FSTL5: variants seen among roughly 807,000 people sequenced by gnomAD.
FSTL5 encodes the protein follistatin-related protein 5.
A neutral mutation model predicts 89.1 loss-of-function variants in FSTL5; 62 were observed. That is an observed-to-expected ratio of 0.70 (90% CI 0.57 to 0.86). The LOEUF (loss-of-function observed/expected upper bound fraction) is 0.86. Ranked by LOEUF, FSTL5 falls within the 40% of genes least tolerant of loss-of-function variation. The pLI is 0.00. For missense variants in FSTL5, 1,057 were observed against 1,001.6 expected (o/e 1.06, Z -0.75); for synonymous variants, 383 against 346.2 (o/e 1.11, Z -1.18).
In FSTL5 at chr4:161,493,475, A is replaced by G. The variant is rs1729955157; in HGVS notation, c.1458+6541T>C. ...TTATTTTATTTTATATTTGCCGTGAATATATATTACCTTGAAAAGATAGGT... is the reference window on the plus strand; with the variant it reads ...TTATTTTATTTTATATTTGCCGTGAGTATATATTACCTTGAAAAGATAGGT... On this transcript the variant is annotated intron_variant, in intron 12 of 15. Transcript: ENST00000306100. Among the ~76,000 whole-genome samples, 5 of 151,982 alleles carry G rather than the reference A, an allele frequency of 3.3e-5. No individual in the cohort carries two copies. The South Asian group carries it at 1.0e-3, about 32-fold the overall frequency.
At chr4:162,119,187 A>T (rs1292549449) in intron 1 of FSTL5, among the ~76,000 whole-genome samples, 4 of 151,636 alleles carry the variant, frequency 2.6e-5, no homozygotes, top group African/African-American at 9.7e-5. Flanking sequence ...TGATCATACC[A>T]TTGCACTGCA....
At chr4:161,851,035 A>C (rs1258268395) in intron 4 of FSTL5, among the ~76,000 whole-genome samples, 1 of 152,228 alleles carries the variant, frequency 6.6e-6, no homozygotes, top group Non-Finnish European at 1.5e-5. Context: ...TAAGCAAATA[A>C]GGTCAGAAAC....
At chr4:161,754,684 T>C (rs1025335277) in intron 6 of FSTL5, among the ~76,000 whole-genome samples, 35 of 152,266 alleles carry the variant, frequency 2.3e-4, no homozygotes, top group Admixed American at 1.1e-3. Flanking sequence ...AATAAGCATA[T>C]AACATCACTT....
At chr4:161,516,524 TA>T (rs914050133) in intron 10 of FSTL5, among the ~76,000 whole-genome samples, 5 of 147,234 alleles carry the variant, frequency 3.4e-5, no homozygotes, top group African/African-American at 1.2e-4. Context: ...CACACATATA[TA>T]AAAATATATT....
intron 15 of FSTL5, among the ~76,000 whole-genome samples, chr4:161,410,847 C>T (rs1385542287): frequency 6.6e-6 from 1 of 151,036 alleles, no homozygotes; most frequent in Non-Finnish European, 1.5e-5. Context: ...AATAAACCCC[C>T]AAGCTAGCAG....
At chr4:161,508,030 C>A (rs1240054108) in intron 11 of FSTL5, among the ~76,000 whole-genome samples, 1 of 151,796 alleles carries the variant, frequency 6.6e-6, no homozygotes, top group Non-Finnish European at 1.5e-5. Flanking sequence ...AAGTGTATCT[C>A]AGAAATATGT....
intron 2 of FSTL5, among the ~76,000 whole-genome samples, chr4:162,041,184 T>G (rs1737938268): frequency 7.9e-6 from 1 of 127,222 alleles, no homozygotes; most frequent in African/African-American, 3.0e-5. Flanking sequence ...GAAGAATTTA[T>G]AGAGAAAGAT....
chr4:161,838,028 A>G (rs1170576059), intron 4 of FSTL5, among the ~76,000 whole-genome samples: 3 of 152,140 alleles, frequency 2.0e-5, no homozygotes, highest in Non-Finnish European at 4.4e-5. Flanking sequence ...GGTTCTATGT[A>G]TTTCTTCTAT....
chr4:161,391,004 G>C (rs2314133), intron 15 of FSTL5, among the ~76,000 whole-genome samples: 1 of 151,924 alleles, frequency 6.6e-6, no homozygotes, highest in African/African-American at 2.4e-5. Flanking sequence ...ACAAGCCTTC[G>C]CACGCGCATT....
intron 2 of FSTL5, among the ~76,000 whole-genome samples, chr4:162,095,866 TGTAA>T (rs1159224850): frequency 3.9e-5 from 6 of 151,972 alleles, no homozygotes; most frequent in Non-Finnish European, 8.8e-5. Flanking sequence ...ACGTTACATG[TGTAA>T]GTACGATGAT....
chr4:161,660,693 T>C (rs137956132), intron 6 of FSTL5, among the ~76,000 whole-genome samples: 16,211 of 152,124 alleles, frequency 0.11, 941 homozygotes, highest in South Asian at 0.22. Flanking sequence ...TCTCATCATT[T>C]AGCTCCCACT....
intron 10 of FSTL5, among the ~76,000 whole-genome samples, chr4:161,528,533 C>T (rs1300918233): frequency 1.4e-5 from 2 of 142,450 alleles, no homozygotes; most frequent in Non-Finnish European, 3.1e-5. Context: ...GGGCTGTTGG[C>T]ACAGAGTTAA....
intron 7 of FSTL5, among the ~76,000 whole-genome samples, chr4:161,622,554 T>C (rs948157690): frequency 1.4e-4 from 22 of 151,836 alleles, no homozygotes; most frequent in African/African-American, 5.3e-4. Context: ...TATTTACATA[T>C]GTGTATATAT....
At chr4:161,495,377 T>C (rs568025878) in intron 12 of FSTL5, 27 of 152,280 alleles carry the variant, frequency 1.8e-4, no homozygotes, top group African/African-American at 6.5e-4. Flanking sequence ...TAAACATTTT[T>C]CCAAACTCCT....
At chr4:162,001,678 T>A (rs1021614942) in intron 3 of FSTL5, among the ~76,000 whole-genome samples, 2 of 152,014 alleles carry the variant, frequency 1.3e-5, no homozygotes, top group African/African-American at 4.8e-5. Context: ...GATGTATACA[T>A]GTTTAGTACA....
At chr4:161,759,041 G>A (rs1172240043) in intron 6 of FSTL5, among the ~76,000 whole-genome samples, 2 of 152,020 alleles carry the variant, frequency 1.3e-5, no homozygotes, top group Non-Finnish European at 2.9e-5. Context: ...AATCCATTTT[G>A]GTTTCCCAAT....
intron 3 of FSTL5, among the ~76,000 whole-genome samples, chr4:161,983,808 A>T (rs1450495190): frequency 1.3e-5 from 2 of 152,118 alleles, no homozygotes; most frequent in Admixed American, 6.5e-5. Flanking sequence ...TATGTGATTC[A>T]CATTAAATTA....
intron 5 of FSTL5, among the ~76,000 whole-genome samples, chr4:161,767,323 A>C (rs145860823): frequency 1.1e-3 from 167 of 152,330 alleles, no homozygotes; most frequent in African/African-American, 3.5e-3. Context: ...CTCACGATGT[A>C]CTTACAATAC....
intron 3 of FSTL5, among the ~76,000 whole-genome samples, chr4:162,003,657 A>G (rs1187110388): frequency 1.3e-5 from 2 of 152,204 alleles, no homozygotes; most frequent in Non-Finnish European, 2.9e-5. Context: ...AGGAATGGCC[A>G]ATGTAGTGTA....
Sources: allele counts gnomAD v4.1 joint callset (sites outside exome capture counted in the v4.1 genomes callset), GRCh38; gene constraint gnomAD v4.1.1; transcripts MANE v1.5; gene names NCBI Gene and HGNC (gene_info 2026-07-23, HGNC 2026-07-21).